Variants in CTNND2 observed in about 807,000 individuals in gnomAD.
CTNND2 encodes catenin delta-2.
A neutral mutation model predicts 144.4 loss-of-function variants in CTNND2; 22 were observed. The observed-to-expected ratio is 0.15, with a 90% CI of 0.11 to 0.22. The LOEUF is 0.22. CTNND2 is among the 10% of genes least tolerant of loss of function. The pLI, the probability that CTNND2 is intolerant of heterozygous loss-of-function variation, is 1.00. For missense variants in CTNND2, 1,353 were observed against 1,618.8 expected (o/e 0.84, Z 2.82); for synonymous variants, 751 against 695.6 (o/e 1.08, Z -1.25).
In CTNND2 at chr5:11,732,279, G is replaced by C; in HGVS notation, c.38-7C>G. On this transcript the variant is annotated splice_region_variant and splice_polypyrimidine_tract_variant and intron_variant, in intron 1 of 21. Transcript: ENST00000304623. ...TCTGGAACAGGCATAGCTCCTGCAA[G>C]GCAAGAGGACATGATCAATACAATC... 1 of 1,612,726 alleles carries C rather than the reference G, an allele frequency of 6.2e-7. No individual in the cohort carries two copies. The highest frequency in any genetic ancestry group is 8.5e-7 in the Non-Finnish European group (1 of 1,179,176).
chr5:11,363,150 G>A (rs1756635444), intron 8 of CTNND2, among the ~76,000 whole-genome samples: 1 of 152,176 alleles, frequency 6.6e-6, no homozygotes. Context: ...GTTTGCTGAT[G>A]CAGACTCAGA....
chr5:11,889,839 A>G (rs1237458690), intron 1 of CTNND2, among the ~76,000 whole-genome samples: 2 of 152,184 alleles, frequency 1.3e-5, no homozygotes, highest in African/African-American at 4.8e-5. Flanking sequence ...TTTCTTCTTT[A>G]TAAAGGACAT....
intron 9 of CTNND2, among the ~76,000 whole-genome samples, chr5:11,241,662 T>C (rs1230138982): frequency 6.6e-6 from 1 of 152,220 alleles, no homozygotes; most frequent in African/African-American, 2.4e-5. Flanking sequence ...AAGGCTCTTT[T>C]TCTATAACAG....
At position 11,385,151 on chromosome 5, in the gene CTNND2, C is replaced by G. The variant is rs1758942714; in HGVS notation, c.691G>C (p.Ala231Pro). The G allele has an allele frequency of 2.0e-6, 2 of 1,005,542 alleles. No homozygotes were observed. Among genetic ancestry groups the G allele is most frequent in the African/African-American group, 3.5e-5 (2 of 56,718 alleles). 62.3% of individuals were successfully genotyped at this position (1,005,542 alleles called of 1,614,324 possible). A position where few individuals can be genotyped will look rare whatever the true frequency, so the allele number is the denominator to read the frequency against. ...TGGAAGGCGCTGCCCAGGCTGGGCG[C>G]GAACGGCTCCCGCGGCGGCGGCGGC... is the stretch of plus-strand genomic sequence containing the variant. ...PPPPPPREPF[A>P]PSLGSAFHLP... The change falls in exon 7 of 22, where the codon GCG (alanine) becomes CCG (proline). Residue 231 changes from alanine to proline, a missense_variant. This residue lies in a region of CTNND2 where 708 missense variants were observed against 706.4 expected (regional missense o/e 1.00). Coordinates refer to ENST00000304623, the MANE Select transcript of CTNND2 (RefSeq NM_001332.4).
chr5:11,098,829 G>A (rs978631471), intron 14 of CTNND2, 81 bp from the exon 15 acceptor site: 12 of 1,331,318 alleles, frequency 9.0e-6, no homozygotes, highest in African/African-American at 2.9e-5. Context: ...CATTACAGGC[G>A]AAAACAAAAG....
In CTNND2 at chr5:11,303,606, A is replaced by G. The variant is rs149041296; in HGVS notation, c.1628+42766T>C. On this transcript the variant is annotated intron_variant, in intron 9 of 21. Coordinates refer to ENST00000304623, the MANE Select transcript of CTNND2 (RefSeq NM_001332.4). The stretch of plus-strand genomic sequence containing the variant: ...CAGTATTTATCTGCTGACCATAATG[A>G]CCTGATCACTATTCCTTCTTCATTC... Among the ~76,000 whole-genome samples, 283 of 152,298 alleles carry G rather than the reference A, an allele frequency of 1.9e-3. 4 individuals carry two copies. The East Asian group carries it at 0.041, about 22-fold the overall frequency.
chr5:11,658,361 G>A (rs1783019772), intron 2 of CTNND2, among the ~76,000 whole-genome samples: 1 of 152,040 alleles, frequency 6.6e-6, no homozygotes, highest in South Asian at 2.1e-4. Flanking sequence ...AGAGCAAGAT[G>A]AAGAACTAAA....
At chr5:11,285,375 G>A (rs1053072695) in intron 9 of CTNND2, among the ~76,000 whole-genome samples, 24 of 152,134 alleles carry the variant, frequency 1.6e-4, no homozygotes, top group African/African-American at 5.6e-4. Flanking sequence ...TGGTTTTGCT[G>A]CTTTAACTAC....
chr5:11,762,935 T>G (rs1304323506), intron 1 of CTNND2, among the ~76,000 whole-genome samples: 1 of 152,232 alleles, frequency 6.6e-6, no homozygotes, highest in Admixed American at 6.5e-5. Flanking sequence ...TATTACTGTT[T>G]GGCTCTGTGT....
intron 5 of CTNND2, among the ~76,000 whole-genome samples, chr5:11,400,742 G>C (rs543625353): frequency 1.2e-4 from 18 of 152,188 alleles, no homozygotes; most frequent in African/African-American, 3.9e-4. Context: ...GAATTGGTTA[G>C]AGACTACACA....
At chr5:11,186,003 T>C (rs1735584388) in intron 11 of CTNND2, among the ~76,000 whole-genome samples, 1 of 152,180 alleles carries the variant, frequency 6.6e-6, no homozygotes, top group Non-Finnish European at 1.5e-5. Context: ...ACCTAACAAA[T>C]GGAAATGCGC....
chr5:11,116,048 A>G (rs1753511777), intron 13 of CTNND2, among the ~76,000 whole-genome samples: 1 of 152,228 alleles, frequency 6.6e-6, no homozygotes, highest in Non-Finnish European at 1.5e-5. Flanking sequence ...CAGGTTCTTA[A>G]TCTAAGATGT....
chr5:11,849,711 G>C (rs927869694), intron 1 of CTNND2, among the ~76,000 whole-genome samples: 1 of 152,186 alleles, frequency 6.6e-6, no homozygotes, highest in Non-Finnish European at 1.5e-5. Context: ...GAGGGTTGGA[G>C]AACTTGATGA....
chr5:11,750,733 A>G (rs1788566612), intron 1 of CTNND2, among the ~76,000 whole-genome samples: 1 of 151,834 alleles, frequency 6.6e-6, no homozygotes, highest in Admixed American at 6.6e-5. Flanking sequence ...AATTTTTATT[A>G]TATTTTAAAA....
At chr5:11,067,492 G>A (rs1258266903) in intron 16 of CTNND2, among the ~76,000 whole-genome samples, 3 of 152,208 alleles carry the variant, frequency 2.0e-5, no homozygotes, top group Non-Finnish European at 2.9e-5. Context: ...ACCAGATGCT[G>A]CCTGAAGGAT....
intron 11 of CTNND2, among the ~76,000 whole-genome samples, chr5:11,179,177 C>T (rs1462636729): frequency 1.3e-5 from 2 of 151,722 alleles, no homozygotes; most frequent in Non-Finnish European, 2.9e-5. Flanking sequence ...CCTGTAGTCT[C>T]AGCTACTCGG....
chr5:11,275,653 A>G (rs982909533), intron 9 of CTNND2, among the ~76,000 whole-genome samples: 1 of 152,208 alleles, frequency 6.6e-6, no homozygotes, highest in African/African-American at 2.4e-5. Flanking sequence ...TACACTACAC[A>G]TATTCTCTCC....
chr5:11,782,999 C>T (rs1459830890), intron 1 of CTNND2, among the ~76,000 whole-genome samples: 1 of 152,138 alleles, frequency 6.6e-6, no homozygotes, highest in Non-Finnish European at 1.5e-5. Context: ...ACAGCTGTGG[C>T]CCAGAGGGAA....
chr5:11,123,198 T>C (rs547573586), intron 12 of CTNND2, among the ~76,000 whole-genome samples: 1 of 152,282 alleles, frequency 6.6e-6, no homozygotes, highest in East Asian at 1.9e-4. Flanking sequence ...ACACGATGTT[T>C]GAGTCTGGTC....
Sources: gnomAD v4.1 joint callset for allele counts (sites outside exome capture counted in the v4.1 genomes callset) on GRCh38, gnomAD v4.1.1 for gene constraint, gnomAD v4.1.1 regional missense constraint, MANE v1.5 for transcripts, NCBI Gene and HGNC (gene_info 2026-07-23, HGNC 2026-07-21) for gene names.